Variants in TMEM132B observed in about 807,000 individuals in gnomAD.
TMEM132B encodes transmembrane protein 132B.
Under a neutral mutation model 90.8 loss-of-function variants are expected in TMEM132B, and 18 were observed. The observed-to-expected ratio is 0.20, with a 90% CI of 0.14 to 0.29. The LOEUF (loss-of-function observed/expected upper bound fraction) is 0.29. Among genes scored for constraint, TMEM132B ranks in the 10% least tolerant of loss-of-function variants. The pLI, the probability that TMEM132B is intolerant of heterozygous loss-of-function variation, is 1.00. For synonymous variants in TMEM132B, 504 were observed against 523.3 expected, an observed-to-expected ratio of 0.96 and a Z score of 0.50; for missense variants, 1,096 against 1,326.8, an observed-to-expected ratio of 0.83 and a Z score of 2.70.
intron 3 of TMEM132B, among the ~76,000 whole-genome samples, chr12:125,453,568 A>T (rs1208532443): frequency 6.6e-6 from 1 of 152,230 alleles, no homozygotes; most frequent in Non-Finnish European, 1.5e-5. Flanking sequence ...TTGAAAGTAA[A>T]TTATACATTG....
chr12:125,386,709 A>G (rs1878846036), intron 2 of TMEM132B, among the ~76,000 whole-genome samples: 1 of 152,214 alleles, frequency 6.6e-6, no homozygotes. Flanking sequence ...AGACTCTGAG[A>G]TGCAAATAAT....
intron 3 of TMEM132B, among the ~76,000 whole-genome samples, chr12:125,434,060 C>T (rs59299829): frequency 6.6e-6 from 1 of 152,264 alleles, no homozygotes; most frequent in African/African-American, 2.4e-5. Flanking sequence ...AAATAAATTT[C>T]GCGGGGTGTT....
chr12:125,356,938 G>A (rs185618351), intron 2 of TMEM132B, among the ~76,000 whole-genome samples: 57 of 152,320 alleles, frequency 3.7e-4, no homozygotes, highest in Non-Finnish European at 6.0e-4. Context: ...TGTTAACGAC[G>A]TAAGATATCA....
chr12:125,527,872 A>G (rs929222339), intron 4 of TMEM132B, among the ~76,000 whole-genome samples: 12 of 152,258 alleles, frequency 7.9e-5, no homozygotes, highest in African/African-American at 2.4e-4. Flanking sequence ...TTTTTTAGTG[A>G]ATGAAAAGAG....
At chr12:125,533,052 T>G (rs1231574405) in intron 4 of TMEM132B, among the ~76,000 whole-genome samples, 1 of 152,134 alleles carries the variant, frequency 6.6e-6, no homozygotes, top group Admixed American at 6.5e-5. Context: ...TCTCCACAGC[T>G]GGGGAGATGT....
intron 1 of TMEM132B, among the ~76,000 whole-genome samples, chr12:125,264,877 T>C (rs1478575878): frequency 2.0e-5 from 3 of 152,202 alleles, no homozygotes; most frequent in African/African-American, 7.2e-5. Context: ...AATTCATTTA[T>C]TTTTTGAAAT....
Position 125,360,160 on chromosome 12 carries a change from A to G in TMEM132B, c.959+9817A>G, listed in dbSNP as rs182620388. 5.9e-5 allele frequency among the ~76,000 whole-genome samples: 9 copies of G among 152,292 alleles called. No homozygotes were observed. In the East Asian group the frequency reaches 1.7e-3, roughly 29 times the overall value. On this transcript the variant is annotated intron_variant, in intron 2 of 8. Coordinates refer to ENST00000682704, the MANE Select transcript of TMEM132B (RefSeq NM_001366854.1). Reference sequence around the variant, plus strand: ...CATTTTTTAACAGATAAATAATCCTAGTTCCTGTCTTTTCCTACATGTAAG... The same window carrying G: ...CATTTTTTAACAGATAAATAATCCTGGTTCCTGTCTTTTCCTACATGTAAG...
At chr12:125,438,420 G>T (rs564959979) in intron 3 of TMEM132B, among the ~76,000 whole-genome samples, 1 of 152,202 alleles carries the variant, frequency 6.6e-6, no homozygotes, top group Admixed American at 6.5e-5. Context: ...ATACATGCAG[G>T]TGCGTGGTAT....
At chr12:125,304,983 C>T (rs1241194327) in intron 1 of TMEM132B, among the ~76,000 whole-genome samples, 7 of 152,122 alleles carry the variant, frequency 4.6e-5, no homozygotes, top group Admixed American at 6.6e-5. Context: ...TTGGAGCCAT[C>T]GTCTTGTTGG....
chr12:125,274,524 A>C (rs191671951), intron 1 of TMEM132B, among the ~76,000 whole-genome samples: 1 of 152,206 alleles, frequency 6.6e-6, no homozygotes, highest in Non-Finnish European at 1.5e-5. Context: ...ATCATGGTGC[A>C]TTGTTGTTAA....
At chr12:125,382,447 A>C (rs561511536) in intron 2 of TMEM132B, among the ~76,000 whole-genome samples, 2 of 152,230 alleles carry the variant, frequency 1.3e-5, no homozygotes, top group East Asian at 1.9e-4. Context: ...CTTCTTAAGG[A>C]GCAGTGACAG....
intron 5 of TMEM132B, among the ~76,000 whole-genome samples, chr12:125,608,378 G>A (rs570894023): frequency 4.3e-4 from 66 of 152,206 alleles, no homozygotes; most frequent in African/African-American, 1.5e-3. Flanking sequence ...ATATAACTTG[G>A]AAAAATGTCT....
In TMEM132B at chr12:125,395,719, A is replaced by T. The variant is rs140299345; in HGVS notation, c.960-19812A>T. On this transcript the variant is annotated intron_variant, in intron 2 of 8. Transcript: ENST00000682704. Reference sequence around the variant, plus strand: ...ACCCAACTCAAAGTGGCTTAAGGGTAATTTCCTGGCTCGTGTAATTGAAGA... The same window carrying T: ...ACCCAACTCAAAGTGGCTTAAGGGTTATTTCCTGGCTCGTGTAATTGAAGA... Among the ~76,000 whole-genome samples the T allele has an allele frequency of 7.0e-3, 1,070 of 152,330 alleles. 3 individuals are homozygous for T. The highest frequency in any genetic ancestry group is 0.011 in the Non-Finnish European group (751 of 68,030).
At chr12:125,315,642 C>G (rs1876248443) in intron 1 of TMEM132B, among the ~76,000 whole-genome samples, 1 of 152,158 alleles carries the variant, frequency 6.6e-6, no homozygotes, top group East Asian at 1.9e-4. Flanking sequence ...AACTGAGGCA[C>G]AGAACAATGG....
chr12:125,501,381 T>G (rs1465601084), intron 3 of TMEM132B, among the ~76,000 whole-genome samples: 19 of 152,220 alleles, frequency 1.2e-4, no homozygotes, highest in African/African-American at 4.6e-4. Context: ...ATTTTAATTT[T>G]AATTTTAAGT....
chr12:125,237,327 C>G (rs1485831958), intron 1 of TMEM132B, among the ~76,000 whole-genome samples: 1 of 152,182 alleles, frequency 6.6e-6, no homozygotes, highest in African/African-American at 2.4e-5. Context: ...CGTCAGTGTT[C>G]TCACTTCAGA....
chr12:125,569,774 G>T (rs200149070), intron 4 of TMEM132B, among the ~76,000 whole-genome samples: 52 of 152,156 alleles, frequency 3.4e-4, no homozygotes, highest in African/African-American at 1.2e-3. Context: ...CCATCTCTCT[G>T]CTTGCCACTC....
chr12:125,262,967 C>A (rs980004547), intron 1 of TMEM132B, among the ~76,000 whole-genome samples: 2 of 152,162 alleles, frequency 1.3e-5, no homozygotes, highest in East Asian at 3.9e-4. Flanking sequence ...CCTCCCAGGC[C>A]CCTTGAGCAT....
At chr12:125,416,206 C>T (rs1880006600) in intron 3 of TMEM132B, among the ~76,000 whole-genome samples, 1 of 152,174 alleles carries the variant, frequency 6.6e-6, no homozygotes, top group Non-Finnish European at 1.5e-5. Flanking sequence ...GATCACGTGT[C>T]ACCTCACATC....
Sources: allele counts gnomAD v4.1 joint callset (sites outside exome capture counted in the v4.1 genomes callset), GRCh38; gene constraint gnomAD v4.1.1; transcripts MANE v1.5; gene names NCBI Gene and HGNC (gene_info 2026-07-23, HGNC 2026-07-21).